The following NKAIN3 variants were observed in gnomAD, a reference collection of about 807,000 sequenced individuals.
The protein encoded by NKAIN3 is sodium/potassium transporting ATPase interacting 3.
Under a neutral mutation model 30.2 loss-of-function variants are expected in NKAIN3, and 25 were observed. The ratio of observed to expected loss-of-function variants is 0.83; its 90% CI spans 0.60 to 1.16. The LOEUF (loss-of-function observed/expected upper bound fraction) is 1.16, where lower values mean the gene tolerates loss of function less well. Among genes scored for constraint, NKAIN3 ranks in the 50% most tolerant of loss-of-function variants. The pLI is 0.00. For missense variants in NKAIN3, 225 were observed against 254.1 expected, an observed-to-expected ratio of 0.89 and a Z score of 0.78; for synonymous variants, 91 against 89.6, an observed-to-expected ratio of 1.02 and a Z score of -0.09.
At chr8:62,670,789 A>AT (rs1813274839) in intron 3 of NKAIN3, among the ~76,000 whole-genome samples, 1 of 151,938 alleles carries the variant, frequency 6.6e-6, no homozygotes, top group African/African-American at 2.4e-5. Flanking sequence ...ATGGTGGCAG[A>AT]TTTCTTTTAA....
At chr8:62,455,352 A>G (rs978317155) in intron 1 of NKAIN3, among the ~76,000 whole-genome samples, 1 of 152,230 alleles carries the variant, frequency 6.6e-6, no homozygotes, top group African/African-American at 2.4e-5. Flanking sequence ...AAGGAACAAA[A>G]TCATGTCCTT....
At chr8:62,426,688 G>A (rs1350920921) in intron 1 of NKAIN3, among the ~76,000 whole-genome samples, 1 of 151,938 alleles carries the variant, frequency 6.6e-6, no homozygotes, top group Non-Finnish European at 1.5e-5. Context: ...CATTAATTAA[G>A]AGTTTTAGTA....
At chr8:62,436,233 A>G (rs1182487052) in intron 1 of NKAIN3, among the ~76,000 whole-genome samples, 1 of 152,220 alleles carries the variant, frequency 6.6e-6, no homozygotes, top group African/African-American at 2.4e-5. Flanking sequence ...TAAAGTGCCA[A>G]CAATAGTTCT....
At chr8:62,530,424 A>T (rs1808452421) in intron 1 of NKAIN3, among the ~76,000 whole-genome samples, 1 of 152,126 alleles carries the variant, frequency 6.6e-6, no homozygotes, top group Non-Finnish European at 1.5e-5. Flanking sequence ...ATGTGAAATC[A>T]CACCCAGACA....
intron 1 of NKAIN3, among the ~76,000 whole-genome samples, chr8:62,395,336 G>T (rs921159442): frequency 6.6e-6 from 1 of 151,972 alleles, no homozygotes; most frequent in African/African-American, 2.4e-5. Context: ...GGGCAGAGGC[G>T]ACCCTCACTT....
At chr8:62,892,574 C>A (rs1821324991) in intron 4 of NKAIN3, among the ~76,000 whole-genome samples, 1 of 151,888 alleles carries the variant, frequency 6.6e-6, no homozygotes. Flanking sequence ...ATAAATAAAC[C>A]AAATCAGGCT....
intron 1 of NKAIN3, among the ~76,000 whole-genome samples, chr8:62,506,476 C>CTTTTTTTTTTTTTTTTTTTTTTTTTT (rs71255341): frequency 4.1e-5 from 4 of 98,438 alleles, no homozygotes; most frequent in African/African-American, 1.7e-4. Context: ...TTCTTTCTTT[C>CTTTTTTTTTTTTTTTTTTTTTTTTTT]TTTTTTTTTT....
chr8:62,751,358 A>C (rs995889343), intron 4 of NKAIN3, among the ~76,000 whole-genome samples: 2 of 152,228 alleles, frequency 1.3e-5, no homozygotes, highest in African/African-American at 2.4e-5. Context: ...AAATGTATAC[A>C]TTAAAACCTC....
intron 1 of NKAIN3, among the ~76,000 whole-genome samples, chr8:62,542,531 A>AT (rs1243443219): frequency 2.0e-5 from 3 of 152,218 alleles, no homozygotes; most frequent in Non-Finnish European, 4.4e-5. Context: ...AAGGGTAAGC[A>AT]TATAATGGAT....
At chr8:62,763,110 A>T (rs1476123406) in intron 4 of NKAIN3, among the ~76,000 whole-genome samples, 2 of 151,458 alleles carry the variant, frequency 1.3e-5, no homozygotes, top group Admixed American at 6.6e-5. Flanking sequence ...AGTCCCAGCT[A>T]CTCAGGAGGC....
At chr8:62,544,027 G>A (rs1442975904) in intron 1 of NKAIN3, among the ~76,000 whole-genome samples, 1 of 152,100 alleles carries the variant, frequency 6.6e-6, no homozygotes, top group Non-Finnish European at 1.5e-5. Context: ...TTTGAGACAA[G>A]TTCTCACTCT....
At chr8:62,345,496 C>CACATATATGTATATATACACATATGT (rs1563942748) in intron 1 of NKAIN3, among the ~76,000 whole-genome samples, 1 of 117,522 alleles carries the variant, frequency 8.5e-6, no homozygotes, top group African/African-American at 4.0e-5. Context: ...TATATACACA[C>CACATATATGTATATATACACATATGT]ATATATACAC....
intron 1 of NKAIN3, among the ~76,000 whole-genome samples, chr8:62,501,850 T>A (rs982588260): frequency 6.6e-6 from 1 of 152,188 alleles, no homozygotes; most frequent in Admixed American, 6.5e-5. Context: ...TCAGTGACCA[T>A]CCTGGGTATT....
intron 3 of NKAIN3, among the ~76,000 whole-genome samples, chr8:62,592,697 T>C (rs908979981): frequency 6.6e-6 from 1 of 152,000 alleles, no homozygotes; most frequent in Non-Finnish European, 1.5e-5. Context: ...GTTAATGTTA[T>C]TTATATGAAA....
rs532585650 is a variant in NKAIN3, at chr8:62,728,675, A to C, written c.274-18257A>C. On this transcript the variant is annotated intron_variant, in intron 3 of 6. Transcript: ENST00000623646. ...AACGAAACTTCGTCTCAAAAAACAA[A>C]AAAACAAAACAAAACAAAACAAAAA... is the stretch of plus-strand genomic sequence containing the variant. Among the ~76,000 whole-genome samples the C allele has an allele frequency of 1.1e-4, 16 of 151,150 alleles. No individual in the cohort carries two copies. In the East Asian group the frequency reaches 1.6e-3, roughly 15 times the overall value.
chr8:62,818,830 G>C (rs1395468344), intron 4 of NKAIN3, among the ~76,000 whole-genome samples: 1 of 151,980 alleles, frequency 6.6e-6, no homozygotes, highest in Non-Finnish European at 1.5e-5. Flanking sequence ...AGGGTAAGGA[G>C]GGATTTTTCA....
Position 62,968,331 on chromosome 8 carries a change from C to T in NKAIN3, c.*2924C>T, listed in dbSNP as rs1005112509. 9.9e-5 allele frequency among the ~76,000 whole-genome samples: 15 copies of T among 152,174 alleles called. No homozygotes were observed. Among genetic ancestry groups the T allele is most frequent in the Non-Finnish European group, 1.9e-4 (13 of 68,030 alleles). On this transcript the variant is annotated 3_prime_UTR_variant, in exon 7 of 7. Coordinates refer to ENST00000623646, the MANE Select transcript of NKAIN3 (RefSeq NM_001304533.3). ...ACAGTTACTGTTCCATGGAAATGAG[C>T]ATTTGCAGTTATTGCTTTTGCCTCC...
At chr8:62,605,984 A>G (rs1403027417) in intron 3 of NKAIN3, among the ~76,000 whole-genome samples, 5 of 152,158 alleles carry the variant, frequency 3.3e-5, no homozygotes, top group African/African-American at 1.2e-4. Context: ...AATTAAGAGC[A>G]AAGAACATTA....
chr8:62,249,351 C>G (rs1812011342), intron 1 of NKAIN3, among the ~76,000 whole-genome samples: 1 of 152,170 alleles, frequency 6.6e-6, no homozygotes, highest in Non-Finnish European at 1.5e-5. Flanking sequence ...GTCTCACCCC[C>G]GGTCCCATGC....
Sources: allele counts gnomAD v4.1 joint callset (sites outside exome capture counted in the v4.1 genomes callset), GRCh38; gene constraint gnomAD v4.1.1; transcripts MANE v1.5; gene names NCBI Gene and HGNC (gene_info 2026-07-23, HGNC 2026-07-21).